USP32: variants seen among roughly 807,000 people sequenced by gnomAD.
USP32 encodes ubiquitin carboxyl-terminal hydrolase 32.
Under a neutral mutation model 204.8 loss-of-function variants are expected in USP32, and 59 were observed. The observed-to-expected ratio is 0.29, with a 90% CI of 0.23 to 0.36. The LOEUF (loss-of-function observed/expected upper bound fraction) is 0.36. Among genes scored for constraint, USP32 ranks in the 10% least tolerant of loss-of-function variants. The probability of loss-of-function intolerance (pLI) is 1.00; values close to 1 mark genes in which losing one functional copy is unlikely to be tolerated. For synonymous variants in USP32, 517 were observed against 678.4 expected (o/e 0.76, Z 3.70); for missense variants, 1,160 against 1,946.4 (o/e 0.60, Z 7.60).
chr17:60,212,245 G>A, intron 18 of USP32, 147 bp from the exon 19 acceptor site: 1 of 673,058 alleles, frequency 1.5e-6, no homozygotes. Flanking sequence ...TAACGACGAG[G>A]TTATATTCTG....
rs536839922 is a variant in USP32 at position 60,196,011 on chromosome 17, C to T, written c.3434+2249G>A. Among the ~76,000 whole-genome samples, 6 of 152,338 alleles carry T rather than the reference C, an allele frequency of 3.9e-5. No individual in the cohort carries two copies. The South Asian group carries it at 1.2e-3, about 32-fold the overall frequency. ...CCTGGGCCGGGTGCAGCAGCTCACG[C>T]CTGTAATCCCACCACTTTGGGAGGC... On this transcript the variant is annotated intron_variant, in intron 27 of 33. Transcript: ENST00000300896.
At chr17:60,183,576 A>G in intron 30 of USP32, 123 bp from the exon 31 acceptor site, 4 of 1,358,636 alleles carry the variant, frequency 2.9e-6, no homozygotes, top group Non-Finnish European at 4.0e-6. Flanking sequence ...TTTACTCTTC[A>G]TTATTTTTTA....
chr17:60,321,791 C>T (rs2088118359), intron 2 of USP32, among the ~76,000 whole-genome samples: 1 of 151,974 alleles, frequency 6.6e-6, no homozygotes, highest in Admixed American at 6.6e-5. Context: ...ACAAGCTTCT[C>T]TTTTAACAGT....
intron 31 of USP32, among the ~76,000 whole-genome samples, chr17:60,182,386 C>T (rs947582847): frequency 5.9e-5 from 9 of 152,284 alleles, no homozygotes; most frequent in African/African-American, 2.2e-4. Context: ...CGATATTATT[C>T]CATGTCATGT....
chr17:60,210,754 A>T (rs1222063437), intron 21 of USP32, among the ~76,000 whole-genome samples: 3 of 152,286 alleles, frequency 2.0e-5, no homozygotes, highest in Non-Finnish European at 4.4e-5. Flanking sequence ...CTCTTCATAT[A>T]AGATGTTTGA....
intron 2 of USP32, among the ~76,000 whole-genome samples, chr17:60,309,725 A>G (rs1272003725): frequency 6.6e-6 from 1 of 152,160 alleles, no homozygotes; most frequent in Admixed American, 6.5e-5. Context: ...CAATACTATA[A>G]TGAGTTAAAA....
intron 11 of USP32, among the ~76,000 whole-genome samples, chr17:60,247,091 A>G (rs2086046555): frequency 6.6e-6 from 1 of 152,196 alleles, no homozygotes; most frequent in East Asian, 1.9e-4. Flanking sequence ...GGTATTATAC[A>G]GTGTCATACC....
intron 2 of USP32, among the ~76,000 whole-genome samples, chr17:60,342,711 G>A (rs751813473): frequency 8.5e-5 from 13 of 152,240 alleles, no homozygotes; most frequent in African/African-American, 2.2e-4. Flanking sequence ...GCAAGGCTCC[G>A]TGGGCATGGG....
At chr17:60,399,130 A>T (rs935397342) in intron 1 of USP32, among the ~76,000 whole-genome samples, 1 of 152,192 alleles carries the variant, frequency 6.6e-6, no homozygotes, top group Non-Finnish European at 1.5e-5. Flanking sequence ...AAGATAAATA[A>T]GAAAGCAGAC....
chr17:60,258,701 G>A (rs2086378815), intron 9 of USP32, among the ~76,000 whole-genome samples: 1 of 152,156 alleles, frequency 6.6e-6, no homozygotes, highest in African/African-American at 2.4e-5. Flanking sequence ...CTGTTTTACA[G>A]TCATATTCTG....
At chr17:60,329,232 T>C (rs1444053774) in intron 2 of USP32, among the ~76,000 whole-genome samples, 1 of 151,782 alleles carries the variant, frequency 6.6e-6, no homozygotes, top group African/African-American at 2.4e-5. Flanking sequence ...AGTTGCTCCA[T>C]CTTCTTGGTA....
At position 60,306,984 on chromosome 17, in the gene USP32, A is replaced by T. The variant is rs189634935; in HGVS notation, c.187-5280T>A. ...AGGAATCAGTTTAGCCAGAGATGTG[A>T]AAGATCTATAAAAGGAAAACTATAA... is the stretch of plus-strand genomic sequence containing the variant. On this transcript the variant is annotated intron_variant, in intron 2 of 33. Transcript: ENST00000300896. Among the ~76,000 whole-genome samples the T allele has an allele frequency of 1.4e-4, 21 of 152,332 alleles. No individual in the cohort carries two copies. The East Asian group carries it at 4.0e-3, about 29-fold the overall frequency.
chr17:60,236,844 C>A (rs1237140070), intron 11 of USP32, among the ~76,000 whole-genome samples: 2 of 152,162 alleles, frequency 1.3e-5, no homozygotes, highest in South Asian at 2.1e-4. Flanking sequence ...AATGATAAAA[C>A]ACATGGCCTT....
At chr17:60,187,349 T>C (rs1325203045) in intron 29 of USP32, among the ~76,000 whole-genome samples, 3 of 152,274 alleles carry the variant, frequency 2.0e-5, no homozygotes, top group African/African-American at 7.2e-5. Context: ...GAAAAGGAAA[T>C]CTGGCTTGGA....
chr17:60,388,041 T>C (rs1461412381), intron 1 of USP32, among the ~76,000 whole-genome samples: 1 of 152,128 alleles, frequency 6.6e-6, no homozygotes, highest in Non-Finnish European at 1.5e-5. Flanking sequence ...AGAGGGGTCT[T>C]GGTTATCCAT....
chr17:60,195,829 G>A (rs1394045713), intron 27 of USP32, among the ~76,000 whole-genome samples: 1 of 152,146 alleles, frequency 6.6e-6, no homozygotes, highest in Admixed American at 6.5e-5. Flanking sequence ...TCCAGCAGAG[G>A]ACATTCAAGT....
intron 3 of USP32, among the ~76,000 whole-genome samples, chr17:60,300,361 A>G (rs1044022730): frequency 6.6e-6 from 1 of 150,700 alleles, no homozygotes; most frequent in Non-Finnish European, 1.5e-5. Context: ...AAATAAATCT[A>G]TATCCCACGA....
At chr17:60,299,594 C>A (rs940059577) in intron 3 of USP32, among the ~76,000 whole-genome samples, 9 of 152,222 alleles carry the variant, frequency 5.9e-5, no homozygotes, top group Non-Finnish European at 1.3e-4. Flanking sequence ...CCTCTCAACA[C>A]TGTTGCACTG....
chr17:60,254,508 C>G (rs1305021571), intron 10 of USP32, among the ~76,000 whole-genome samples: 1 of 152,076 alleles, frequency 6.6e-6, no homozygotes, highest in East Asian at 1.9e-4. Flanking sequence ...TAATACCAGC[C>G]TGGGCAACAT....
Sources: gnomAD v4.1 joint callset for allele counts (sites outside exome capture counted in the v4.1 genomes callset) on GRCh38, gnomAD v4.1.1 for gene constraint, MANE v1.5 for transcripts, NCBI Gene and HGNC (gene_info 2026-07-23, HGNC 2026-07-21) for gene names.